The following CLIP1 variants were observed in gnomAD, a reference collection of about 807,000 sequenced individuals.
CLIP1 encodes CAP-Gly domain containing linker protein 1, also known as CAP-Gly domain-containing linker protein 1.
CLIP1 carries 66 observed loss-of-function variants against 161.6 expected under a neutral mutation model. The observed-to-expected ratio is 0.41, with a 90% CI of 0.33 to 0.50. CLIP1 has a LOEUF of 0.50. CLIP1 is among the 20% of genes least tolerant of loss of function. The pLI, the probability that CLIP1 is intolerant of heterozygous loss-of-function variation, is 0.27. For missense variants in CLIP1, 1,376 were observed against 1,702.0 expected (o/e 0.81, Z 3.37); for synonymous variants, 598 against 626.2 (o/e 0.96, Z 0.67).
intron 9 of CLIP1, among the ~76,000 whole-genome samples, chr12:122,347,980 T>A (rs1952830024): frequency 6.6e-6 from 1 of 152,176 alleles, no homozygotes; most frequent in Non-Finnish European, 1.5e-5. Context: ...AACTGTTCAA[T>A]AAGTCCTTAG....
chr12:122,341,613 T>C lies in CLIP1; in HGVS notation c.1591A>G (p.Arg531Gly). 1 of 1,613,518 alleles carries C rather than the reference T, an allele frequency of 6.2e-7. No homozygotes were observed. The highest frequency in any genetic ancestry group is 2.2e-5 in the East Asian group (1 of 44,890). ...GCAGGCTTATTGGACTCTAGCCTTC[T>C]TCGGAGCTCAGCTACTTCCTGTACT... Reference protein sequence around the residue: ...LRVQEVAELRRRLESNKPAGD... With the variant: ...LRVQEVAELRGRLESNKPAGD... The change falls in exon 11 of 26, where the codon AGA becomes GGA. Residue 531 changes from arginine to glycine, a missense_variant. Physicochemically the swap from Arg to Gly is moderately radical, Grantham distance 125 (BLOSUM62 -2). Coordinates refer to ENST00000620786, the MANE Select transcript of CLIP1 (RefSeq NM_001247997.2).
intron 20 of CLIP1, among the ~76,000 whole-genome samples, chr12:122,302,639 C>T (rs958928838): frequency 3.9e-5 from 6 of 152,124 alleles, no homozygotes; most frequent in Non-Finnish European, 7.3e-5. Context: ...GCTCTGTCCC[C>T]CAGGCTGGTA....
chr12:122,347,680 G>A (rs1245131459), intron 9 of CLIP1, among the ~76,000 whole-genome samples: 1 of 152,136 alleles, frequency 6.6e-6, no homozygotes, highest in Non-Finnish European at 1.5e-5. Context: ...GATGGTGGTG[G>A]GCAGGGGGCA....
chr12:122,371,307 G>A (rs1186227842), intron 3 of CLIP1, among the ~76,000 whole-genome samples: 1 of 152,002 alleles, frequency 6.6e-6, no homozygotes, highest in Non-Finnish European at 1.5e-5. Context: ...ACACAGAAAA[G>A]CTCCAAACTC....
At chr12:122,299,042 C>T (rs1034169067) in intron 20 of CLIP1, among the ~76,000 whole-genome samples, 1 of 152,180 alleles carries the variant, frequency 6.6e-6, no homozygotes, top group South Asian at 2.1e-4. Context: ...AGTAGTTCTT[C>T]ACAGAGAGTG....
intron 1 of CLIP1, chr12:122,400,912 CT>C (rs56774933): frequency 2.2e-4 from 30 of 139,516 alleles, no homozygotes; most frequent in Non-Finnish European, 1.8e-4. Flanking sequence ...ACTCCGGATC[CT>C]TTTTTTTTTT....
At chr12:122,392,922 C>T (rs990132302) in intron 1 of CLIP1, among the ~76,000 whole-genome samples, 1 of 151,972 alleles carries the variant, frequency 6.6e-6, no homozygotes, top group Non-Finnish European at 1.5e-5. Context: ...ACTGGGACTA[C>T]AGGCACACAC....
chr12:122,300,927 C>T (rs1411454481), intron 20 of CLIP1, among the ~76,000 whole-genome samples: 1 of 152,186 alleles, frequency 6.6e-6, no homozygotes, highest in Non-Finnish European at 1.5e-5. Flanking sequence ...CCTGGCAGGA[C>T]ACAGTATCAC....
chr12:122,345,125 C>A (rs571328224), intron 10 of CLIP1, among the ~76,000 whole-genome samples: 2 of 151,836 alleles, frequency 1.3e-5, no homozygotes, highest in East Asian at 3.9e-4. Context: ...TTGTATTTCC[C>A]GGATCAATTA....
intron 1 of CLIP1, among the ~76,000 whole-genome samples, chr12:122,382,458 A>G (rs1955050739): frequency 6.6e-6 from 1 of 151,812 alleles, no homozygotes; most frequent in Non-Finnish European, 1.5e-5. Flanking sequence ...ATCCCAGAAG[A>G]TGAAGGTTGT....
intron 1 of CLIP1, among the ~76,000 whole-genome samples, chr12:122,381,447 T>C (rs892729511): frequency 4.6e-5 from 7 of 152,232 alleles, no homozygotes; most frequent in African/African-American, 9.6e-5. Context: ...AGACCAGATA[T>C]GAATCTATGA....
At position 122,280,711 on chromosome 12, in the gene CLIP1, A is replaced by G. The variant is rs189440851; in HGVS notation, c.3648-1566T>C. 107 of 152,356 alleles carry G rather than the reference A, an allele frequency of 7.0e-4. 2 individuals carry two copies. Among genetic ancestry groups the G allele is most frequent in the African/African-American group, 2.4e-3 (101 of 41,588 alleles). 9.4% of individuals were successfully genotyped at this position (152,356 alleles called of 1,614,324 possible). On this transcript the variant is annotated intron_variant, in intron 21 of 25. Coordinates refer to ENST00000620786, the MANE Select transcript of CLIP1 (RefSeq NM_001247997.2). ...ACTTTTGCAACTCTTCTGGAAATCT[A>G]AAATTATTTTAAAATAAAAAGTTTT... is the stretch of plus-strand genomic sequence containing the variant.
intron 1 of CLIP1, among the ~76,000 whole-genome samples, chr12:122,397,139 C>G (rs1383768826): frequency 6.6e-6 from 1 of 151,682 alleles, no homozygotes; most frequent in Non-Finnish European, 1.5e-5. Context: ...AGTATGATCA[C>G]GTGACTGAGT....
chr12:122,365,295 A>G, intron 3 of CLIP1: 1 of 775,484 alleles, frequency 1.3e-6, no homozygotes. Flanking sequence ...AGGAATGCGT[A>G]CTGTTCAAAA....
chr12:122,355,061 T>C lies in CLIP1; in HGVS notation c.1203+54A>G. 2.0e-6 allele frequency: 3 copies of C among 1,535,560 alleles called. No homozygotes were observed. The highest frequency in any genetic ancestry group is 1.8e-6 in the Non-Finnish European group (2 of 1,116,252). On this transcript the variant is annotated intron_variant, in intron 6 of 25. Transcript: ENST00000620786. This position sits in a 1 kb window ranked among gnomAD's most constrained non-coding sequence, Gnocchi z 4.1. ...CCAAGCACCGGGCATGCTTCTCGGC[T>C]CCTCAGTGGCTTTAGAAACCATCAC...
At chr12:122,400,783 A>G (rs1239924194) in intron 1 of CLIP1, 1 of 152,242 alleles carries the variant, frequency 6.6e-6, no homozygotes, top group Non-Finnish European at 1.5e-5. Context: ...GTGAGTCAAC[A>G]GCAAAACAAG....
intron 20 of CLIP1, 131 bp from the exon 21 acceptor site, chr12:122,288,672 G>A: frequency 2.9e-6 from 2 of 681,206 alleles, no homozygotes; most frequent in Non-Finnish European, 5.0e-6. Flanking sequence ...CAATGAAGAG[G>A]GACAAGTGGT....
intron 19 of CLIP1, 27 bp downstream of exon 19, chr12:122,316,721 AT>A (rs144271947): frequency 1.5e-5 from 19 of 1,296,926 alleles, no homozygotes; most frequent in Admixed American, 2.5e-5. Flanking sequence ...TAAATTCCAT[AT>A]TTTTTTCTCA....
chr12:122,331,115 A>G lies in CLIP1; in HGVS notation c.2867+1872T>C, dbSNP rs540270222. On this transcript the variant is annotated intron_variant, in intron 15 of 25. Coordinates refer to ENST00000620786, the MANE Select transcript of CLIP1 (RefSeq NM_001247997.2). ...CCGCAACCTCCACCTCCCGGGTCCAACTGATTCTCCTGCCTCAGCCTCCTG... is the reference window on the plus strand; with the variant it reads ...CCGCAACCTCCACCTCCCGGGTCCAGCTGATTCTCCTGCCTCAGCCTCCTG... Among the ~76,000 whole-genome samples the G allele has an allele frequency of 4.6e-5, 7 of 151,248 alleles. No individual in the cohort carries two copies. The East Asian group carries it at 1.2e-3, about 25-fold the overall frequency.
Sources: gnomAD v4.1 joint callset for allele counts (sites outside exome capture counted in the v4.1 genomes callset) on GRCh38, gnomAD v4.1.1 for gene constraint, Gnocchi (gnomAD v3.1) non-coding constraint, MANE v1.5 for transcripts, NCBI Gene and HGNC (gene_info 2026-07-23, HGNC 2026-07-21) for gene names.